The following CDH13 variants were observed in gnomAD, a reference collection of about 807,000 sequenced individuals.
CDH13 encodes cadherin 13.
A neutral mutation model predicts 63.8 loss-of-function variants in CDH13; 24 were observed. The ratio of observed to expected loss-of-function variants is 0.38; its 90% CI spans 0.27 to 0.53. The LOEUF (loss-of-function observed/expected upper bound fraction) is 0.53, where lower values mean the gene tolerates loss of function less well. Among genes scored for constraint, CDH13 ranks in the 20% least tolerant of loss-of-function variants. The pLI, the probability that CDH13 is intolerant of heterozygous loss-of-function variation, is 0.85. For synonymous variants in CDH13, 503 were observed against 355.3 expected (o/e 1.42, Z -4.67); for missense variants, 1,049 against 903.1 (o/e 1.16, Z -2.07).
At chr16:82,658,909 C>G (rs1324645654) in intron 1 of CDH13, among the ~76,000 whole-genome samples, 2 of 151,992 alleles carry the variant, frequency 1.3e-5, no homozygotes, top group Non-Finnish European at 2.9e-5. Flanking sequence ...ATAAAATAGC[C>G]CTAAAGAAGG....
intron 6 of CDH13, among the ~76,000 whole-genome samples, chr16:83,454,669 CTG>C (rs1344138842): frequency 6.6e-6 from 1 of 151,846 alleles, no homozygotes; most frequent in African/African-American, 2.4e-5. Flanking sequence ...GCTGTAGAAA[CTG>C]TGTTTTAAGA....
chr16:83,776,991 G>A (rs1223765287), intron 11 of CDH13, among the ~76,000 whole-genome samples: 1 of 152,192 alleles, frequency 6.6e-6, no homozygotes, highest in Non-Finnish European at 1.5e-5. Flanking sequence ...GGGGTCGTTA[G>A]CACAATCAAG....
intron 5 of CDH13, among the ~76,000 whole-genome samples, chr16:83,222,276 T>G (rs1006053551): frequency 7.2e-5 from 11 of 152,228 alleles, no homozygotes; most frequent in Non-Finnish European, 1.5e-4. Context: ...AAGAATGTTG[T>G]CATAAAATTG....
intron 6 of CDH13, among the ~76,000 whole-genome samples, chr16:83,395,958 C>G (rs2151436056): frequency 6.6e-6 from 1 of 152,272 alleles, no homozygotes; most frequent in East Asian, 1.9e-4. Context: ...TCCTCCCATC[C>G]TCCACCCTCC....
intron 5 of CDH13, among the ~76,000 whole-genome samples, chr16:83,265,967 C>T (rs776171980): frequency 3.3e-5 from 5 of 151,912 alleles, no homozygotes; most frequent in Non-Finnish European, 7.4e-5. Flanking sequence ...GATGGATTCT[C>T]GCTCTGTCGC....
intron 2 of CDH13, among the ~76,000 whole-genome samples, chr16:82,956,640 G>C (rs1212563953): frequency 6.6e-6 from 1 of 152,136 alleles, no homozygotes; most frequent in African/African-American, 2.4e-5. Flanking sequence ...CCCAGCCCCT[G>C]ATGCCATCTC....
intron 5 of CDH13, among the ~76,000 whole-genome samples, chr16:83,260,521 C>G (rs564802594): frequency 1.3e-5 from 2 of 152,148 alleles, no homozygotes; most frequent in African/African-American, 4.8e-5. Flanking sequence ...GCTCAGTCTT[C>G]GAGGGAGTGC....
At chr16:83,405,330 G>A (rs1300952996) in intron 6 of CDH13, among the ~76,000 whole-genome samples, 4 of 152,170 alleles carry the variant, frequency 2.6e-5, no homozygotes, top group Non-Finnish European at 5.9e-5. Context: ...TTGCAAAAGG[G>A]ACTGTGAAGG....
rs1567746057 is a variant in CDH13 at position 83,014,840 on chromosome 16, T to TATATATATA, written c.158-17170_158-17169insATATATATA. On this transcript the variant is annotated intron_variant, in intron 2 of 13. Coordinates refer to ENST00000567109, the MANE Select transcript of CDH13 (RefSeq NM_001257.5). ...TGTATATATATATTTGTATATATAT[T>TATATATATA]TGTATATATATATTTGTATATATAT... Among the ~76,000 whole-genome samples the TATATATATA allele has an allele frequency of 2.1e-3, 47 of 22,734 alleles. 2 individuals carry two copies. The highest frequency in any genetic ancestry group is 9.1e-3 in the Admixed American group (17 of 1,866). The allele number at this position is 22,734 out of a possible 152,430, so 14.9% of individuals were successfully genotyped here.
Position 83,556,393 on chromosome 16 carries a change from T to A in CDH13, c.961-46061T>A, listed in dbSNP as rs1299140600. On this transcript the variant is annotated intron_variant, in intron 7 of 13. Coordinates refer to ENST00000567109, the MANE Select transcript of CDH13 (RefSeq NM_001257.5). ...TCTAAATCCACCACAGTCCTCAGCA[T>A]CATCATGAACAAATTGCAGCAGTTA... is the stretch of plus-strand genomic sequence containing the variant. 2.0e-5 allele frequency among the ~76,000 whole-genome samples: 3 copies of A among 152,298 alleles called. No homozygotes were observed. The East Asian group carries it at 5.8e-4, about 29-fold the overall frequency.
At chr16:82,869,399 G>A (rs549947624) in intron 2 of CDH13, among the ~76,000 whole-genome samples, 53 of 151,696 alleles carry the variant, frequency 3.5e-4, no homozygotes, top group African/African-American at 9.4e-4. Context: ...TGAGAAGTGC[G>A]GAAGGGGTAG....
intron 1 of CDH13, among the ~76,000 whole-genome samples, chr16:82,687,949 G>A (rs571607911): frequency 1.1e-4 from 17 of 152,230 alleles, no homozygotes; most frequent in Admixed American, 2.6e-4. Context: ...TTGGGACCGC[G>A]TTCGTAGGAC....
Position 83,092,721 on chromosome 16 carries a change from G to T in CDH13, c.367-32664G>T, listed in dbSNP as rs4254314. On this transcript the variant is annotated intron_variant, in intron 3 of 13. Coordinates refer to ENST00000567109, the MANE Select transcript of CDH13 (RefSeq NM_001257.5). The stretch of plus-strand genomic sequence containing the variant: ...TTGTTGGAAATTCAGGTACATCCAG[G>T]TTTTCCCAAATACACCTATTATTAC... Among the ~76,000 whole-genome samples the T allele has an allele frequency of 9.5e-3, 1,444 of 152,040 alleles. 24 individuals are homozygous for T. Among genetic ancestry groups the T allele is most frequent in the African/African-American group, 0.033 (1,370 of 41,478 alleles).
chr16:82,883,214 T>A (rs2040766293), intron 2 of CDH13, among the ~76,000 whole-genome samples: 1 of 152,244 alleles, frequency 6.6e-6, no homozygotes, highest in African/African-American at 2.4e-5. Context: ...ACTAAGCAGC[T>A]ATGAGAAATG....
chr16:83,264,609 C>T (rs765981757), intron 5 of CDH13, among the ~76,000 whole-genome samples: 7 of 151,252 alleles, frequency 4.6e-5, no homozygotes, highest in South Asian at 2.1e-4. Flanking sequence ...AAGACTAATG[C>T]AATAACTTTT....
chr16:83,254,979 CTTTCTTTCTTTCTTTCTTTCTTTCTT>C (rs146958651), intron 5 of CDH13, among the ~76,000 whole-genome samples: 14,027 of 42,974 alleles, frequency 0.33, 1,043 homozygotes, highest in Non-Finnish European at 0.42. Flanking sequence ...TTCTTTCTTT[CTTTCTTTCTTTCTTTCTTTCTTTCTT>C]TCTTTCTTTT....
At chr16:83,344,773 G>T in intron 5 of CDH13, 89 bp from the exon 6 acceptor site, 3 of 1,426,896 alleles carry the variant, frequency 2.1e-6, no homozygotes, top group Middle Eastern at 1.8e-4. Context: ...TAAAATTGTC[G>T]ATATAACCTA....
intron 1 of CDH13, among the ~76,000 whole-genome samples, chr16:82,690,128 A>G (rs1333730929): frequency 1.5e-5 from 2 of 130,202 alleles, no homozygotes; most frequent in South Asian, 2.8e-4. Context: ...AGATTGTGCT[A>G]TTGCACTCCA....
chr16:83,111,002 CAAAAA>C lies in CDH13; in HGVS notation c.367-14367_367-14363del, dbSNP rs398030036. 5.1e-4 allele frequency among the ~76,000 whole-genome samples: 54 copies of C among 106,276 alleles called. 1 individual carries two copies. Among genetic ancestry groups the C allele is most frequent in the Middle Eastern group, 5.1e-3 (1 of 196 alleles). The allele number at this position is 106,276 out of a possible 152,430, so 69.7% of individuals were successfully genotyped here. A position where few individuals can be genotyped will look rare whatever the true frequency, so the allele number is the denominator to read the frequency against. On this transcript the variant is annotated intron_variant, in intron 3 of 13. Transcript: ENST00000567109. ...CCTAAATGTATGTATTAGGTTGTTGCAAAAAAAAAAAAAAAAAAAATTAGCCGGGC... is the reference window on the plus strand; with the variant it reads ...CCTAAATGTATGTATTAGGTTGTTGCAAAAAAAAAAAAAAATTAGCCGGGC...
Sources: gnomAD v4.1 joint callset for allele counts (sites outside exome capture counted in the v4.1 genomes callset) on GRCh38, gnomAD v4.1.1 for gene constraint, MANE v1.5 for transcripts, NCBI Gene and HGNC (gene_info 2026-07-23, HGNC 2026-07-21) for gene names.